The following VPS33A variants were observed in gnomAD, a reference collection of about 807,000 sequenced individuals.
The protein encoded by VPS33A is vacuolar protein sorting-associated protein 33A.
In VPS33A, 32 loss-of-function variants were observed where a neutral mutation model predicts 71.8. The observed-to-expected ratio is 0.45, with a 90% CI of 0.34 to 0.60. The LOEUF is 0.60. Ranked by LOEUF, VPS33A falls within the 20% of genes least tolerant of loss-of-function variation. VPS33A has a pLI of 0.02. For synonymous variants in VPS33A, 311 were observed against 292.7 expected, an observed-to-expected ratio of 1.06 and a Z score of -0.64; for missense variants, 625 against 748.5, an observed-to-expected ratio of 0.84 and a Z score of 1.92.
At chr12:122,239,604 A>C (rs575228896) in intron 9 of VPS33A, among the ~76,000 whole-genome samples, 1 of 151,916 alleles carries the variant, frequency 6.6e-6, no homozygotes. Flanking sequence ...TGTGGTGGTG[A>C]GCGCCTGTAG....
At chr12:122,253,757 G>A (rs1453317263) in intron 4 of VPS33A, among the ~76,000 whole-genome samples, 4 of 151,802 alleles carry the variant, frequency 2.6e-5, no homozygotes, top group Admixed American at 6.6e-5. Context: ...GAGTGCAGTC[G>A]GGCAACCTCA....
chr12:122,239,601 G>GCA (rs1954683066), intron 9 of VPS33A, among the ~76,000 whole-genome samples: 1 of 151,862 alleles, frequency 6.6e-6, no homozygotes, highest in Non-Finnish European at 1.5e-5. Context: ...AGGTGTGGTG[G>GCA]TGAGCGCCTG....
At position 122,239,578 on chromosome 12, in the gene VPS33A, C is replaced by CA. The variant is rs1233500005; in HGVS notation, c.1164+299dup. 3.3e-5 allele frequency among the ~76,000 whole-genome samples: 5 copies of CA among 151,738 alleles called. 1 individual carries two copies. Among genetic ancestry groups the CA allele is most frequent in the South Asian group, 4.2e-4 (2 of 4,802 alleles). The stretch of plus-strand genomic sequence containing the variant: ...TGAAACCCCGTCTCTATTAAAAATA[C>CA]AAAAAATTAGCCAGGTGTGGTGGTG... On this transcript the variant is annotated intron_variant, in intron 9 of 12. Coordinates refer to ENST00000267199, the MANE Select transcript of VPS33A (RefSeq NM_022916.6).
intron 6 of VPS33A, chr12:122,248,395 T>C (rs981369139): frequency 1.3e-5 from 2 of 152,222 alleles, no homozygotes; most frequent in African/African-American, 4.8e-5. Context: ...AGTGGGAGCA[T>C]GGCCTCTTGC....
At position 122,238,782 on chromosome 12, in the gene VPS33A, C is replaced by T. The variant is rs1954666910; in HGVS notation, c.1165-58G>A. ...ATTTACATATACATACACACACACACACACACACACACACACACACACACA... is the reference window on the plus strand; with the variant it reads ...ATTTACATATACATACACACACACATACACACACACACACACACACACACA... On this transcript the variant is annotated intron_variant, in intron 9 of 12. Coordinates refer to ENST00000267199, the MANE Select transcript of VPS33A (RefSeq NM_022916.6). 16 of 1,187,146 alleles carry T rather than the reference C, an allele frequency of 1.3e-5. No homozygotes were observed. The East Asian group carries it at 2.2e-4, about 16-fold the overall frequency. The allele number at this position is 1,187,146 out of a possible 1,614,324, so 73.5% of individuals were successfully genotyped here. A position where few individuals can be genotyped will look rare whatever the true frequency, so the allele number is the denominator to read the frequency against.
At chr12:122,260,777 C>G (rs999040234) in intron 4 of VPS33A, among the ~76,000 whole-genome samples, 3 of 151,864 alleles carry the variant, frequency 2.0e-5, no homozygotes, top group African/African-American at 7.3e-5. Context: ...TGAAGCGGAT[C>G]CTGGCCAAGC....
intron 7 of VPS33A, 38 bp from the exon 8 acceptor site, chr12:122,242,546 G>A (rs201336157): frequency 5.5e-4 from 858 of 1,571,956 alleles, no homozygotes; most frequent in Admixed American, 1.1e-3. Context: ...AAGCAGGGAA[G>A]ATAGTTTATT....
At chr12:122,243,934 T>A (rs1343760883) in intron 7 of VPS33A, among the ~76,000 whole-genome samples, 1 of 152,140 alleles carries the variant, frequency 6.6e-6, no homozygotes, top group Admixed American at 6.6e-5. Context: ...AATCTAGAAC[T>A]ACATACTCAG....
In VPS33A at chr12:122,264,176, T is replaced by A; in HGVS notation, c.126A>T (p.Leu42=). ...GTGCAATCAGGCCAAAGGGTCCAGT[T>A]AGGTATTCATCCCAAACTATTGCCT... ...GSKAIVWDEY[L]TGPFGLIAQY... is the part of the protein sequence containing the mutation. The change falls in exon 2 of 13, where the codon CTA becomes CTT. Residue 42 remains leucine, a synonymous_variant. Transcript: ENST00000267199. 6.4e-7 allele frequency: 1 copy of A among 1,556,170 alleles called. No individual in the cohort carries two copies. The highest frequency in any genetic ancestry group is 1.2e-5 in the South Asian group (1 of 82,234).
chr12:122,250,940 G>A, intron 5 of VPS33A, 43 bp downstream of exon 5: 1 of 1,467,616 alleles, frequency 6.8e-7, no homozygotes, highest in Non-Finnish European at 9.5e-7. Flanking sequence ...CTTTTGGGGT[G>A]TGAAGGGCCC....
intron 6 of VPS33A, among the ~76,000 whole-genome samples, chr12:122,246,290 T>TTTTATTTATTTATTTATTTA (rs138644669): frequency 6.6e-6 from 1 of 150,836 alleles, no homozygotes; most frequent in Admixed American, 6.6e-5. Context: ...CTCTCTCTTA[T>TTTTATTTATTTATTTATTTA]TTTATTTATT....
chr12:122,246,242 C>A (rs1954774381), intron 6 of VPS33A, among the ~76,000 whole-genome samples: 1 of 152,154 alleles, frequency 6.6e-6, no homozygotes, highest in African/African-American at 2.4e-5. Context: ...CGCCTGTAAT[C>A]CCAGCACTTT....
At chr12:122,248,365 C>G (rs7963144) in intron 6 of VPS33A, 71,411 of 151,848 alleles carry the variant, frequency 0.47, 19,574 homozygotes, top group African/African-American at 0.76. Flanking sequence ...GAGCTCTAGA[C>G]ACTCTGGGTC....
At chr12:122,232,776 T>C (rs1190589732) in intron 12 of VPS33A, 24 bp downstream of exon 12, 1 of 1,599,218 alleles carries the variant, frequency 6.3e-7, no homozygotes, top group East Asian at 2.2e-5. Context: ...CATAATTATC[T>C]GTAGATGCTG....
At chr12:122,252,240 G>A (rs1954854985) in intron 4 of VPS33A, among the ~76,000 whole-genome samples, 1 of 152,088 alleles carries the variant, frequency 6.6e-6, no homozygotes, top group African/African-American at 2.4e-5. Flanking sequence ...CTGGGCAACA[G>A]AGCAAGACCC....
At chr12:122,237,216 T>G (rs1954639995) in intron 10 of VPS33A, among the ~76,000 whole-genome samples, 1 of 152,172 alleles carries the variant, frequency 6.6e-6, no homozygotes, top group Non-Finnish European at 1.5e-5. Flanking sequence ...CAGGCTTAAT[T>G]TAAGTAAACC....
At position 122,263,601 on chromosome 12, in the gene VPS33A, C is replaced by T. The variant is rs1464023737; in HGVS notation, c.267G>A (p.Leu89=). The T allele has an allele frequency of 1.2e-6, 2 of 1,611,788 alleles. No homozygotes were observed. Among genetic ancestry groups the T allele is most frequent in the African/African-American group, 2.7e-5 (2 of 74,818 alleles). The change falls in exon 3 of 13, where the codon TTG becomes TTA. Residue 89 remains leucine (L), a synonymous_variant. Coordinates refer to ENST00000267199, the MANE Select transcript of VPS33A (RefSeq NM_022916.6). ...IIFFVRPRLE[L]MDIIAENVLS... The stretch of plus-strand genomic sequence containing the variant: ...GCACGTTTTCAGCGATTATATCCAT[C>T]AACTCTAGCCTGGGTCTGACAAAAA...
At chr12:122,257,426 CAAAAAAAA>C (rs35763135) in intron 4 of VPS33A, among the ~76,000 whole-genome samples, 2 of 64,974 alleles carry the variant, frequency 3.1e-5, no homozygotes, top group East Asian at 4.1e-4. Context: ...GACTCTGCCT[CAAAAAAAA>C]AAAAAAAAAA....
chr12:122,235,253 C>T (rs1235490245), intron 11 of VPS33A, among the ~76,000 whole-genome samples: 1 of 151,338 alleles, frequency 6.6e-6, no homozygotes, highest in African/African-American at 2.4e-5. Context: ...GCCACCGAGC[C>T]TGCCCCATAA....
Sources: allele counts gnomAD v4.1 joint callset (sites outside exome capture counted in the v4.1 genomes callset), GRCh38; gene constraint gnomAD v4.1.1; transcripts MANE v1.5; gene names NCBI Gene and HGNC (gene_info 2026-07-23, HGNC 2026-07-21).